Variants in ZFHX3 observed in about 807,000 individuals in gnomAD.
The protein encoded by ZFHX3 is zinc finger homeobox 3.
ZFHX3 carries 42 observed loss-of-function variants against 279.1 expected under a neutral mutation model. That is an observed-to-expected ratio of 0.15 (90% CI 0.12 to 0.19). ZFHX3 has a LOEUF of 0.19. Among genes scored for constraint, ZFHX3 ranks in the 10% least tolerant of loss-of-function variants. ZFHX3 has a pLI of 1.00. For missense variants in ZFHX3, 4,981 were observed against 4,754.0 expected, an observed-to-expected ratio of 1.05 and a Z score of -1.40; for synonymous variants, 2,293 against 1,957.8, an observed-to-expected ratio of 1.17 and a Z score of -4.52.
chr16:72,788,638 G>C lies in ZFHX3; in HGVS notation c.9638C>G (p.Pro3213Arg). 2 of 1,613,340 alleles carry C rather than the reference G, an allele frequency of 1.2e-6. No individual in the cohort carries two copies. Among genetic ancestry groups the C allele is most frequent in the East Asian group, 4.5e-5 (2 of 44,580 alleles). Residue 3213 changes from proline to arginine, a missense_variant, in exon 10 of 10, where the codon CCG becomes CGG. By Grantham distance (103) the Pro-to-Arg change is moderately radical. Coordinates refer to ENST00000268489, the MANE Select transcript of ZFHX3 (RefSeq NM_006885.4). Reference sequence around the variant, plus strand: ...TGTGGGTGGCGGCTGGGCTGCTGGCGGCGGGGGAGGCTGCTGCACCTGTGG... The same window carrying C: ...TGTGGGTGGCGGCTGGGCTGCTGGCCGCGGGGGAGGCTGCTGCACCTGTGG... The part of the protein sequence containing the change: ...QQPQVQQPPP[P>R]PAAQPPPTPQ...
chr16:72,919,882 C>T (rs1233149860), intron 3 of ZFHX3, among the ~76,000 whole-genome samples: 1 of 143,410 alleles, frequency 7.0e-6, no homozygotes, highest in Non-Finnish European at 1.5e-5. Flanking sequence ...CAACCTCTAC[C>T]TCCCAGGTTC....
At chr16:73,823,349 T>C (rs1004592763) in intron 1 of ZFHX3, among the ~76,000 whole-genome samples, 2 of 151,860 alleles carry the variant, frequency 1.3e-5, no homozygotes, top group Non-Finnish European at 2.9e-5. Context: ...AGAGACAAGA[T>C]AGAGACACAA....
intron 3 of ZFHX3, among the ~76,000 whole-genome samples, chr16:72,891,566 C>T (rs1280876142): frequency 6.6e-6 from 1 of 152,166 alleles, no homozygotes; most frequent in Admixed American, 6.5e-5. Context: ...GGGAATTCTT[C>T]CACTGGGTAC....
In ZFHX3 at chr16:73,105,457, A is replaced by AT. The variant is rs370445292; in HGVS notation, c.-896-11860dup. On this transcript the variant is annotated intron_variant, in intron 7 of 17. Coordinates refer to the ZFHX3 transcript ENST00000641206. ...TACACACACACACATATATATATAT[A>AT]TTTTTTCCCCCAGGCCAGGCGTGCT... Among the ~76,000 whole-genome samples the AT allele has an allele frequency of 3.8e-4, 46 of 120,496 alleles. 1 individual carries two copies. The highest frequency in any genetic ancestry group is 1.1e-3 in the African/African-American group (31 of 27,300). The allele number at this position is 120,496 out of a possible 152,430, so 79.1% of individuals were successfully genotyped here. A position where few individuals can be genotyped will look rare whatever the true frequency, so the allele number is the denominator to read the frequency against.
chr16:73,026,145 G>C (rs1964488060), intron 1 of ZFHX3, among the ~76,000 whole-genome samples: 1 of 135,680 alleles, frequency 7.4e-6, no homozygotes, highest in Admixed American at 8.5e-5. Flanking sequence ...TCAGGAGTTC[G>C]AGAATAGCCT....
chr16:72,800,217 G>A (rs1025384489), intron 7 of ZFHX3, 88 bp from the exon 8 acceptor site: 8 of 1,101,672 alleles, frequency 7.3e-6, no homozygotes, highest in Non-Finnish European at 1.1e-5. Context: ...AGCAAAATTA[G>A]CCTTCACCAG....
intron 2 of ZFHX3, among the ~76,000 whole-genome samples, chr16:73,669,413 C>A (rs1289515162): frequency 6.6e-6 from 1 of 152,152 alleles, no homozygotes; most frequent in Non-Finnish European, 1.5e-5. Flanking sequence ...GAAACTCCCA[C>A]GTGATCTCTA....
chr16:73,456,623 C>T (rs931526948), intron 2 of ZFHX3, among the ~76,000 whole-genome samples: 1 of 152,220 alleles, frequency 6.6e-6, no homozygotes, highest in Non-Finnish European at 1.5e-5. Flanking sequence ...CTCAGAATCA[C>T]AAGCTTCTTT....
At chr16:73,704,785 G>C (rs188516467) in intron 1 of ZFHX3, among the ~76,000 whole-genome samples, 1 of 152,240 alleles carries the variant, frequency 6.6e-6, no homozygotes, top group Non-Finnish European at 1.5e-5. Flanking sequence ...GTTACCACTA[G>C]AGGAAACTGA....
Position 72,794,679 on chromosome 16 carries a change from C to T in ZFHX3, c.8003G>A (p.Arg2668Gln), listed in dbSNP as rs1199271359. 2.5e-6 allele frequency: 4 copies of T among 1,614,096 alleles called. No individual in the cohort carries two copies. The highest frequency in any genetic ancestry group is 1.3e-5 in the African/African-American group (1 of 74,940). ...GTGTGCAATGTGATCCAACATCTTTCGAGTCGGATTGGAATCCAGTAGATA... is the reference window on the plus strand; with the variant it reads ...GTGTGCAATGTGATCCAACATCTTTTGAGTCGGATTGGAATCCAGTAGATA... ...QKYLLDSNPT[R>Q]KMLDHIAHEV... is the part of the protein sequence containing the mutation. Residue 2668 changes from arginine (R) to glutamine (Q), a missense_variant, in exon 9 of 10, where the codon CGA (arginine) becomes CAA (glutamine). Coordinates refer to ENST00000268489, the MANE Select transcript of ZFHX3 (RefSeq NM_006885.4). The surrounding 1 kb of genome is among the most constrained non-coding windows in gnomAD (Gnocchi z 4.2).
rs3081625 is a variant in ZFHX3 at position 73,004,159 on chromosome 16, C to CTTTTTTTTTTTTTTTTT, written c.-50+43576_-50+43592dup. On this transcript the variant is annotated intron_variant, in intron 1 of 9. Transcript: ENST00000268489. ...CAATAATAACTACATAAAAACACGA[C>CTTTTTTTTTTTTTTTTT]TTTTTTTTTTTTTTTTTTTTTTTTT... Among the ~76,000 whole-genome samples, 15 of 49,366 alleles carry CTTTTTTTTTTTTTTTTT rather than the reference C, an allele frequency of 3.0e-4. 2 individuals carry two copies. The highest frequency in any genetic ancestry group is 2.5e-3 in the East Asian group (2 of 816). The allele number at this position is 49,366 out of a possible 152,430, so 32.4% of individuals were successfully genotyped here.
rs1427104378 is a variant in ZFHX3, at chr16:73,764,830, TCATCTC to T, written c.-1607-84596_-1607-84591del. Among the ~76,000 whole-genome samples the T allele has an allele frequency of 3.9e-5, 6 of 152,280 alleles. No individual in the cohort carries two copies. In the East Asian group the frequency reaches 5.8e-4, roughly 15 times the overall value. ...TAAGCCACCCTGCTTCTCCCTAAATTCATCTCCATCTCCAGCTCTTAGCCCTCTGAT... is the reference window on the plus strand; with the variant it reads ...TAAGCCACCCTGCTTCTCCCTAAATTCATCTCCAGCTCTTAGCCCTCTGAT... On this transcript the variant is annotated intron_variant, in intron 1 of 17. Coordinates refer to the ZFHX3 transcript ENST00000641206.
chr16:73,219,216 G>A (rs1019106053), intron 5 of ZFHX3, among the ~76,000 whole-genome samples: 3 of 152,166 alleles, frequency 2.0e-5, no homozygotes, highest in East Asian at 3.8e-4. Flanking sequence ...TAGGTTCTTG[G>A]ATGTGGTTTT....
At chr16:73,631,006 G>C (rs571450132) in intron 2 of ZFHX3, among the ~76,000 whole-genome samples, 1 of 141,254 alleles carries the variant, frequency 7.1e-6, no homozygotes, top group Admixed American at 7.5e-5. Flanking sequence ...AGTGATGTTC[G>C]CATTGTGGCA....
chr16:73,247,169 C>A (rs1056374006), intron 5 of ZFHX3, among the ~76,000 whole-genome samples: 1 of 149,846 alleles, frequency 6.7e-6, no homozygotes, highest in Non-Finnish European at 1.5e-5. Context: ...GTCTGTGTGT[C>A]TATGTACCTG....
intron 2 of ZFHX3, among the ~76,000 whole-genome samples, chr16:73,643,659 G>C (rs886853704): frequency 6.6e-6 from 1 of 152,182 alleles, no homozygotes; most frequent in African/African-American, 2.4e-5. Context: ...AGCAATTCCA[G>C]TGTTTCCATT....
chr16:73,805,035 A>G (rs1056962598), intron 1 of ZFHX3, among the ~76,000 whole-genome samples: 5 of 152,118 alleles, frequency 3.3e-5, no homozygotes, highest in Non-Finnish European at 5.9e-5. Flanking sequence ...TTAAGCGAGT[A>G]TACTTAGTGT....
chr16:73,796,623 C>G (rs995737070), intron 1 of ZFHX3: 1 of 152,232 alleles, frequency 6.6e-6, no homozygotes, highest in Non-Finnish European at 1.5e-5. Context: ...GTGGTTGCCT[C>G]CACATATCGC....
chr16:73,593,484 CT>C (rs2052019424), intron 2 of ZFHX3, among the ~76,000 whole-genome samples: 1 of 151,416 alleles, frequency 6.6e-6, no homozygotes, highest in Non-Finnish European at 1.5e-5. Flanking sequence ...TTAATTACAG[CT>C]GACCCTCCAT....
Sources: gnomAD v4.1 joint callset for allele counts (sites outside exome capture counted in the v4.1 genomes callset) on GRCh38, gnomAD v4.1.1 for gene constraint, Gnocchi (gnomAD v3.1) non-coding constraint, MANE v1.5 for transcripts, NCBI Gene and HGNC (gene_info 2026-07-23, HGNC 2026-07-21) for gene names.